RYR3: variants seen among roughly 807,000 people sequenced by gnomAD.
The protein encoded by RYR3 is ryanodine receptor 3.
In RYR3, 207 loss-of-function variants were observed where a neutral mutation model predicts 584.3. The ratio of observed to expected loss-of-function variants is 0.35; its 90% CI spans 0.32 to 0.40. RYR3 has a LOEUF of 0.40. RYR3 is among the 10% of genes least tolerant of loss of function. The pLI, the probability that RYR3 is intolerant of heterozygous loss-of-function variation, is 1.00. For missense variants in RYR3, 5,616 were observed against 6,089.2 expected (o/e 0.92, Z 2.59); for synonymous variants, 2,416 against 2,248.5 (o/e 1.07, Z -2.11).
intron 12 of RYR3, 65 bp from the exon 13 acceptor site, chr15:33,579,911 G>T: frequency 7.4e-7 from 1 of 1,347,110 alleles, no homozygotes; most frequent in Non-Finnish European, 1.0e-6. Flanking sequence ...GTGGGACCCA[G>T]TGGGTGTTCA....
chr15:33,546,411 T>C (rs1377379624), intron 8 of RYR3, among the ~76,000 whole-genome samples: 1 of 152,144 alleles, frequency 6.6e-6, no homozygotes, highest in Non-Finnish European at 1.5e-5. Context: ...ACCTGGGGTG[T>C]AGGAACTCTA....
At chr15:33,778,666 G>A (rs551268012) in intron 64 of RYR3, among the ~76,000 whole-genome samples, 5 of 152,350 alleles carry the variant, frequency 3.3e-5, no homozygotes, top group South Asian at 2.1e-4. Context: ...TATCACCTGC[G>A]TCTCAGCAGT....
chr15:33,522,940 T>C (rs1452698467), intron 3 of RYR3, among the ~76,000 whole-genome samples: 1 of 152,204 alleles, frequency 6.6e-6, no homozygotes, highest in Non-Finnish European at 1.5e-5. Flanking sequence ...TGTTACCAGA[T>C]GTTTACAATT....
Position 33,865,138 on chromosome 15 carries a change from A to ATGTC in RYR3, c.14528_14531dup (p.Trp4844CysfsTer17). ...TTGTTCATATTATTTCAGGAATCTTATGTCTGGAAGATGTACCAAGAAAGG... is the reference window on the plus strand; with the variant it reads ...TTGTTCATATTATTTCAGGAATCTTATGTCTGTCTGGAAGATGTACCAAGAAAGG... On this transcript the variant is annotated frameshift_variant, in exon 104 of 104. Transcript: ENST00000634891. LOFTEE classifies it high-confidence loss of function. 1 of 1,612,392 alleles carries ATGTC rather than the reference A, an allele frequency of 6.2e-7. No homozygotes were observed. Among genetic ancestry groups the ATGTC allele is most frequent in the Non-Finnish European group, 8.5e-7 (1 of 1,178,682 alleles).
Position 33,812,851 on chromosome 15 carries a change from T to C in RYR3, c.10258-12T>C. ...GAAATTCCTCATCTTATGAGTATGC[T>C]TCAATTTTCAGTCTGATGACCCAGC... is the stretch of plus-strand genomic sequence containing the variant. On this transcript the variant is annotated splice_polypyrimidine_tract_variant and intron_variant, in intron 72 of 103. Coordinates refer to ENST00000634891, the MANE Select transcript of RYR3 (RefSeq NM_001036.6). 1 of 1,613,378 alleles carries C rather than the reference T, an allele frequency of 6.2e-7. No homozygotes were observed. The highest frequency in any genetic ancestry group is 8.5e-7 in the Non-Finnish European group (1 of 1,179,500).
At chr15:33,746,352 G>A (rs985638308) in intron 53 of RYR3, among the ~76,000 whole-genome samples, 195 bp downstream of exon 53, 1 of 152,238 alleles carries the variant, frequency 6.6e-6, no homozygotes, top group Non-Finnish European at 1.5e-5. Context: ...CTCACTTTCT[G>A]TTCTTTGGCT....
intron 12 of RYR3, among the ~76,000 whole-genome samples, chr15:33,577,298 C>G (rs118183134): frequency 1.6e-3 from 241 of 152,174 alleles, no homozygotes; most frequent in African/African-American, 5.4e-3. Flanking sequence ...AGAAAAGAAC[C>G]CATATAACCA....
intron 62 of RYR3, 133 bp downstream of exon 62, chr15:33,769,305 C>T (rs1378116598): frequency 2.9e-5 from 21 of 733,338 alleles, no homozygotes; most frequent in Non-Finnish European, 7.2e-6. Context: ...AGGGCAAAGA[C>T]CCTAGAAGTT....
rs1267604042 is a variant in RYR3, at chr15:33,819,810, A to G, written c.10758+3A>G. The G allele has an allele frequency of 1.9e-6, 3 of 1,587,056 alleles. No homozygotes were observed. The highest frequency in any genetic ancestry group is 2.7e-5 in the African/African-American group (2 of 74,438). ...CCTATTCCAGCATGATGGCCAAGGT[A>G]CACCCAGGTTTTCTGCCCATTGTCT... On this transcript the variant is annotated splice_donor_region_variant and intron_variant, in intron 77 of 103. Transcript: ENST00000634891.
rs892759178 is a variant in RYR3, at chr15:33,765,235, C to G, written c.8706-3423C>G. 9.2e-5 allele frequency among the ~76,000 whole-genome samples: 14 copies of G among 152,108 alleles called. No individual in the cohort carries two copies. The East Asian group carries it at 1.9e-3, about 21-fold the overall frequency. On this transcript the variant is annotated intron_variant, in intron 60 of 103. Coordinates refer to ENST00000634891, the MANE Select transcript of RYR3 (RefSeq NM_001036.6). ...AAAGAGGGGATAGGTCATGATTGGG[C>G]TAAAAGATGGATTCTACTGTGCCTC...
chr15:33,645,693 T>C (rs2062062502), intron 28 of RYR3, among the ~76,000 whole-genome samples: 1 of 152,180 alleles, frequency 6.6e-6, no homozygotes. Flanking sequence ...TAAGCCTCAG[T>C]TCACTTCCCT....
intron 1 of RYR3, among the ~76,000 whole-genome samples, chr15:33,423,221 T>A (rs1304859814): frequency 2.6e-5 from 4 of 152,212 alleles, no homozygotes; most frequent in Non-Finnish European, 4.4e-5. Flanking sequence ...ATTTGCCTAT[T>A]CTAGAAATTT....
chr15:33,569,954 A>G (rs2057932562), intron 12 of RYR3, among the ~76,000 whole-genome samples: 1 of 152,048 alleles, frequency 6.6e-6, no homozygotes, highest in Non-Finnish European at 1.5e-5. Flanking sequence ...TTAAAATTTG[A>G]GAGTTCTTTG....
At chr15:33,806,234 C>A (rs2076202048) in intron 69 of RYR3, among the ~76,000 whole-genome samples, 1 of 152,142 alleles carries the variant, frequency 6.6e-6, no homozygotes, top group African/African-American at 2.4e-5. Flanking sequence ...AAGCCTGTGT[C>A]TGTCTTTTAA....
intron 1 of RYR3, among the ~76,000 whole-genome samples, chr15:33,457,214 T>G (rs1224324793): frequency 6.6e-6 from 1 of 152,194 alleles, no homozygotes. Context: ...CCATTCTGAC[T>G]CCTGCCGCTG....
chr15:33,736,775 G>A (rs1445274088), intron 49 of RYR3, among the ~76,000 whole-genome samples: 1 of 124,048 alleles, frequency 8.1e-6, no homozygotes, highest in Non-Finnish European at 1.9e-5. Flanking sequence ...ATGAGATGGA[G>A]TCTTGCTCTG....
intron 19 of RYR3, among the ~76,000 whole-genome samples, chr15:33,615,087 A>G (rs1389413811): frequency 1.3e-5 from 2 of 152,166 alleles, no homozygotes; most frequent in African/African-American, 4.8e-5. Flanking sequence ...TCTTTCCCAA[A>G]CTTTCCTCAG....
In RYR3 at chr15:33,696,402, C is replaced by A; in HGVS notation, c.6045C>A (p.Ile2015=). 1.2e-6 allele frequency: 2 copies of A among 1,613,970 alleles called. No homozygotes were observed. Among genetic ancestry groups the A allele is most frequent in the South Asian group, 2.2e-5 (2 of 91,074 alleles). ...GCCACACCTCTGTAAGCGACACCATCAACCTGCTGGCTGCCCTGGGCCAAA... is the reference window on the plus strand; with the variant it reads ...GCCACACCTCTGTAAGCGACACCATAAACCTGCTGGCTGCCCTGGGCCAAA... ...TISHTSVSDT[I]NLLAALGQIR... is the part of the protein sequence containing the mutation. The change falls in exon 39 of 104, where the codon ATC becomes ATA. Residue 2015 remains isoleucine, a synonymous_variant. Transcript: ENST00000634891.
At chr15:33,589,864 G>T (rs1045095993) in intron 16 of RYR3, among the ~76,000 whole-genome samples, 2 of 152,170 alleles carry the variant, frequency 1.3e-5, no homozygotes. Flanking sequence ...GCTTACTATA[G>T]CCTTGTAGTA....
Sources: gnomAD v4.1 joint callset for allele counts (sites outside exome capture counted in the v4.1 genomes callset) on GRCh38, gnomAD v4.1.1 for gene constraint, MANE v1.5 for transcripts, NCBI Gene and HGNC (gene_info 2026-07-23, HGNC 2026-07-21) for gene names.